RNF185: variants seen among roughly 807,000 people sequenced by gnomAD.
RNF185 encodes the protein ring finger protein 185.
RNF185 carries 13 observed loss-of-function variants against 24.9 expected under a neutral mutation model. The observed-to-expected ratio is 0.52, with a 90% CI of 0.34 to 0.83. The LOEUF (loss-of-function observed/expected upper bound fraction) is 0.83. Ranked by LOEUF, RNF185 falls within the 40% of genes least tolerant of loss-of-function variation. The pLI is 0.01. For synonymous variants in RNF185, 79 were observed against 90.3 expected, an observed-to-expected ratio of 0.88 and a Z score of 0.71; for missense variants, 184 against 244.7, an observed-to-expected ratio of 0.75 and a Z score of 1.65.
Position 31,202,876 on chromosome 22 carries a change from T to C in RNF185, c.481+1261T>C, listed in dbSNP as rs542305549. On this transcript the variant is annotated intron_variant, in intron 6 of 6. Coordinates refer to ENST00000326132, the MANE Select transcript of RNF185 (RefSeq NM_152267.4). ...TGATCCGCCCGCCTGGGCCTCCCAA[T>C]GTGCTGGGATTACAGGCGTGAGCCA... is the stretch of plus-strand genomic sequence containing the variant. Among the ~76,000 whole-genome samples, 21 of 152,178 alleles carry C rather than the reference T, an allele frequency of 1.4e-4. 1 individual carries two copies. The South Asian group carries it at 4.1e-3, about 30-fold the overall frequency.
chr22:31,164,383 C>T (rs1294610864), intron 1 of RNF185, among the ~76,000 whole-genome samples: 1 of 152,172 alleles, frequency 6.6e-6, no homozygotes, highest in Admixed American at 6.5e-5. Context: ...CAAAACTGTA[C>T]ATAATTATAT....
chr22:31,161,045 G>C (rs1923543084), intron 1 of RNF185, among the ~76,000 whole-genome samples: 1 of 152,218 alleles, frequency 6.6e-6, no homozygotes, highest in African/African-American at 2.4e-5. Flanking sequence ...GCTCAGTAAA[G>C]AGAGCACTGG....
chr22:31,202,063 T>C (rs889876630), intron 6 of RNF185, among the ~76,000 whole-genome samples: 1 of 152,140 alleles, frequency 6.6e-6, no homozygotes, highest in Non-Finnish European at 1.5e-5. Flanking sequence ...AGTGAAGGCA[T>C]CTCCATTCTC....
At position 31,160,184 on chromosome 22, in the gene RNF185, G is replaced by A. The variant is rs1923468899; in HGVS notation, c.-168G>A. ...TCCGAGAGGGGCGGCTCCGCGTCATGTGACTGGAGTCCGCGTAGGAGGGGT... is the reference window on the plus strand; with the variant it reads ...TCCGAGAGGGGCGGCTCCGCGTCATATGACTGGAGTCCGCGTAGGAGGGGT... On this transcript the variant is annotated 5_prime_UTR_variant, in exon 1 of 7. In the 5' UTR this introduces an upstream ATG that the reference lacks. Coordinates refer to ENST00000326132, the MANE Select transcript of RNF185 (RefSeq NM_152267.4). The A allele has an allele frequency of 2.0e-5, 3 of 152,886 alleles. No individual in the cohort carries two copies. Among genetic ancestry groups the A allele is most frequent in the African/African-American group, 7.2e-5 (3 of 41,482 alleles). 9.5% of individuals were successfully genotyped at this position (152,886 alleles called of 1,614,324 possible). A position where few individuals can be genotyped will look rare whatever the true frequency, so the allele number is the denominator to read the frequency against.
At chr22:31,192,013 G>A (rs146996116) in intron 2 of RNF185, among the ~76,000 whole-genome samples, 2 of 152,038 alleles carry the variant, frequency 1.3e-5, no homozygotes, top group African/African-American at 2.4e-5. Flanking sequence ...TTTGAAAATG[G>A]AGAGAGATTG....
intron 1 of RNF185, among the ~76,000 whole-genome samples, chr22:31,182,166 C>T (rs1044856548): frequency 2.1e-5 from 3 of 145,486 alleles, no homozygotes; most frequent in African/African-American, 7.7e-5. Context: ...GGCTGGAGTG[C>T]AGCAGCACAA....
chr22:31,180,302 A>G (rs2048021617), intron 1 of RNF185, among the ~76,000 whole-genome samples: 1 of 152,152 alleles, frequency 6.6e-6, no homozygotes, highest in African/African-American at 2.4e-5. Context: ...GTCTCTACTA[A>G]AAAGTACAAA....
intron 5 of RNF185, among the ~76,000 whole-genome samples, chr22:31,199,099 CAA>C (rs10710631): frequency 8.5e-4 from 122 of 143,600 alleles, no homozygotes; most frequent in Admixed American, 7.0e-4. Context: ...GACTCTGTCT[CAA>C]AAAAAAAAAA....
chr22:31,199,482 A>C (rs754102196), intron 5 of RNF185, among the ~76,000 whole-genome samples: 17 of 152,218 alleles, frequency 1.1e-4, no homozygotes, highest in South Asian at 8.3e-4. Flanking sequence ...TTGTTGACCA[A>C]AGTGCATACC....
chr22:31,184,700 G>A lies in RNF185; in HGVS notation c.-48-2347G>A, dbSNP rs182468137. Among the ~76,000 whole-genome samples the A allele has an allele frequency of 2.8e-4, 43 of 152,304 alleles. No homozygotes were observed. In the East Asian group the frequency reaches 5.6e-3, roughly 20 times the overall value. On this transcript the variant is annotated intron_variant, in intron 1 of 6. Coordinates refer to ENST00000326132, the MANE Select transcript of RNF185 (RefSeq NM_152267.4). ...AGGCCGAGGCTGGCAGACCACTGGC[G>A]GTCAGGAGCTGGAGACCAGCCCGGC...
chr22:31,187,375 A>C (rs1255082039), intron 2 of RNF185, 105 bp downstream of exon 2: 14 of 1,245,178 alleles, frequency 1.1e-5, no homozygotes, highest in Non-Finnish European at 1.4e-5. Context: ...TTGGGAATAC[A>C]CTCAGGCTCA....
intron 1 of RNF185, among the ~76,000 whole-genome samples, chr22:31,165,357 G>A (rs1394231738): frequency 6.6e-6 from 1 of 152,072 alleles, no homozygotes; most frequent in East Asian, 1.9e-4. Context: ...CTTAATGGCT[G>A]ATGATGATGA....
intron 1 of RNF185, among the ~76,000 whole-genome samples, chr22:31,186,787 G>A (rs2048103069): frequency 6.6e-6 from 1 of 152,174 alleles, no homozygotes; most frequent in Non-Finnish European, 1.5e-5. Context: ...TTCCTGTGGA[G>A]AACCATCTGG....
rs1410917589 is a variant in RNF185 at position 31,206,579 on chromosome 22, A to G, written c.*1993A>G. ...GTGGGTAGGAAAATGAATCATTTGGACTCTTCAATGAAATGGAGTGAGCCC... is the reference window on the plus strand; with the variant it reads ...GTGGGTAGGAAAATGAATCATTTGGGCTCTTCAATGAAATGGAGTGAGCCC... On this transcript the variant is annotated 3_prime_UTR_variant, in exon 7 of 7. Coordinates refer to ENST00000326132, the MANE Select transcript of RNF185 (RefSeq NM_152267.4). 3 of 152,158 alleles carry G rather than the reference A, an allele frequency of 2.0e-5. No homozygotes were observed. The highest frequency in any genetic ancestry group is 7.2e-5 in the African/African-American group (3 of 41,422). The allele number at this position is 152,158 out of a possible 1,614,324, so 9.4% of individuals were successfully genotyped here.
At chr22:31,186,865 TTTCTGGGTCACTGCCCTTTGGGTA>T (rs1209828240) in intron 1 of RNF185, among the ~76,000 whole-genome samples, 158 bp from the exon 2 acceptor site, 1 of 152,128 alleles carries the variant, frequency 6.6e-6, no homozygotes, top group Non-Finnish European at 1.5e-5. Context: ...TCATGAGAAG[TTTCTGGGTCACTGCCCTTTGGGTA>T]GTGCCCTACA....
chr22:31,184,860 C>T lies in RNF185; in HGVS notation c.-48-2187C>T, dbSNP rs1017615286. Among the ~76,000 whole-genome samples the T allele has an allele frequency of 8.8e-5, 12 of 136,664 alleles. No homozygotes were observed. In the South Asian group the frequency reaches 1.5e-3, roughly 17 times the overall value. The allele number at this position is 136,664 out of a possible 152,430, so 89.7% of individuals were successfully genotyped here. On this transcript the variant is annotated intron_variant, in intron 1 of 6. Coordinates refer to ENST00000326132, the MANE Select transcript of RNF185 (RefSeq NM_152267.4). ...GGGAGGCTGCAGTGAGCCAAGATGG[C>T]GGCAGTACTGTCCAGCCTCAGCTCG... is the stretch of plus-strand genomic sequence containing the variant.
intron 1 of RNF185, among the ~76,000 whole-genome samples, chr22:31,184,869 T>A (rs370565463): frequency 1.4e-5 from 2 of 138,742 alleles, no homozygotes; most frequent in Non-Finnish European, 3.0e-5. Flanking sequence ...GCGGCAGTAC[T>A]GTCCAGCCTC....
At chr22:31,184,652 G>A (rs1436326042) in intron 1 of RNF185, among the ~76,000 whole-genome samples, 2 of 152,324 alleles carry the variant, frequency 1.3e-5, no homozygotes, top group South Asian at 2.1e-4. Context: ...GCGAGACTCC[G>A]TCTGCAATCC....
chr22:31,200,773 G>A (rs2048254959), intron 5 of RNF185, among the ~76,000 whole-genome samples: 1 of 152,208 alleles, frequency 6.6e-6, no homozygotes. Context: ...TCTGTAATAT[G>A]TGAGTTTCTT....
Sources: gnomAD v4.1 joint callset for allele counts (sites outside exome capture counted in the v4.1 genomes callset) on GRCh38, gnomAD v4.1.1 for gene constraint, MANE v1.5 for transcripts, NCBI Gene and HGNC (gene_info 2026-07-23, HGNC 2026-07-21) for gene names.